CCDC77: variants seen among roughly 807,000 people sequenced by gnomAD.
The protein encoded by CCDC77 is coiled-coil domain containing 77.
In CCDC77, 56 loss-of-function variants were observed where a neutral mutation model predicts 66.8. The observed-to-expected ratio is 0.84, with a 90% CI of 0.68 to 1.05. The LOEUF (loss-of-function observed/expected upper bound fraction) is 1.05. Ranked by LOEUF, CCDC77 falls within the 50% of genes least tolerant of loss-of-function variation. The pLI is 0.00. For missense variants in CCDC77, 570 were observed against 576.8 expected, an observed-to-expected ratio of 0.99 and a Z score of 0.12; for synonymous variants, 196 against 195.2, an observed-to-expected ratio of 1.00 and a Z score of -0.03.
chr12:441,715 T>C (rs1018108328), intron 12 of CCDC77, 59 bp from the exon 13 acceptor site: 10 of 1,561,192 alleles, frequency 6.4e-6, no homozygotes, highest in African/African-American at 1.4e-5. Flanking sequence ...TTGACTGATA[T>C]CGCTCCCCTG....
intron 4 of CCDC77, among the ~76,000 whole-genome samples, chr12:416,394 T>C (rs1384966652): frequency 1.2e-3 from 66 of 54,636 alleles, no homozygotes; most frequent in South Asian, 8.8e-3. Flanking sequence ...TATATATATA[T>C]ATATATATAT....
chr12:412,895 T>C (rs1352974329), intron 4 of CCDC77, among the ~76,000 whole-genome samples: 3 of 152,122 alleles, frequency 2.0e-5, no homozygotes, highest in Non-Finnish European at 2.9e-5. Context: ...CGTTACTCCA[T>C]CCGTATCTAT....
rs181923310 is a variant in CCDC77 at position 431,265 on chromosome 12, C to G, written c.583+529C>G. On this transcript the variant is annotated intron_variant, in intron 7 of 12. Coordinates refer to ENST00000239830, the MANE Select transcript of CCDC77 (RefSeq NM_032358.4). The stretch of plus-strand genomic sequence containing the variant: ...TAGAGTTTTGCTCCTGTTGCCCAGG[C>G]TGGAGTGCAATGGCGCGATCTTGGC... Among the ~76,000 whole-genome samples the G allele has an allele frequency of 5.0e-3, 721 of 143,732 alleles. 3 individuals are homozygous for G. Among genetic ancestry groups the G allele is most frequent in the African/African-American group, 0.017 (670 of 38,572 alleles). 94.3% of individuals were successfully genotyped at this position (143,732 alleles called of 152,430 possible). A position where few individuals can be genotyped will look rare whatever the true frequency, so the allele number is the denominator to read the frequency against.
At chr12:407,714 A>G (rs74056172) in intron 2 of CCDC77, among the ~76,000 whole-genome samples, 3,049 of 151,056 alleles carry the variant, frequency 0.02, 87 homozygotes, top group African/African-American at 0.07. Context: ...AAAATGGTAT[A>G]TGGAAGTAAC....
intron 9 of CCDC77, among the ~76,000 whole-genome samples, chr12:435,169 A>G (rs888793440): frequency 3.5e-5 from 5 of 144,064 alleles, no homozygotes; most frequent in Middle Eastern, 3.7e-3. Flanking sequence ...CCATTTCCAA[A>G]TGCTCCCATC....
At chr12:403,068 C>T (rs1418058673) in intron 1 of CCDC77, among the ~76,000 whole-genome samples, 1 of 152,190 alleles carries the variant, frequency 6.6e-6, no homozygotes, top group Admixed American at 6.5e-5. Context: ...AAAATGTCCA[C>T]TACATTTTTG....
At chr12:409,960 T>G (rs1386461794) in intron 3 of CCDC77, among the ~76,000 whole-genome samples, 1 of 148,448 alleles carries the variant, frequency 6.7e-6, no homozygotes, top group Non-Finnish European at 1.5e-5. Context: ...ATCACGCCAC[T>G]GCACTCCAGC....
At chr12:413,810 T>G (rs1277365397) in intron 4 of CCDC77, among the ~76,000 whole-genome samples, 1 of 151,198 alleles carries the variant, frequency 6.6e-6, no homozygotes, top group Non-Finnish European at 1.5e-5. Flanking sequence ...TGTATTTTAG[T>G]AGAGGCAGGG....
intron 4 of CCDC77, among the ~76,000 whole-genome samples, chr12:417,132 C>CAAAAA (rs35593098): frequency 4.1e-4 from 52 of 128,338 alleles, no homozygotes; most frequent in African/African-American, 1.2e-3. Context: ...GGCTCTGTCT[C>CAAAAA]AAAAAAAAAA....
chr12:415,255 T>C lies in CCDC77; in HGVS notation c.271-3239T>C, dbSNP rs537501195. Among the ~76,000 whole-genome samples, 413 of 147,804 alleles carry C rather than the reference T, an allele frequency of 2.8e-3. 5 individuals carry two copies. The highest frequency in any genetic ancestry group is 0.027 in the South Asian group (124 of 4,672). On this transcript the variant is annotated intron_variant, in intron 4 of 12. Coordinates refer to ENST00000239830, the MANE Select transcript of CCDC77 (RefSeq NM_032358.4). ...TCCCTTTCTCTGAATCAGTTGTTAA[T>C]ATTTATTAACATAATTATTAACATA...
At chr12:431,663 T>C (rs534472121) in intron 7 of CCDC77, among the ~76,000 whole-genome samples, 12 of 152,224 alleles carry the variant, frequency 7.9e-5, no homozygotes, top group Non-Finnish European at 1.5e-4. Flanking sequence ...AGAGTTCCCT[T>C]ATAGAGATTC....
chr12:427,562 C>T (rs1945559366), intron 5 of CCDC77, among the ~76,000 whole-genome samples: 1 of 151,072 alleles, frequency 6.6e-6, no homozygotes, highest in South Asian at 2.1e-4. Context: ...GCAAACTCCA[C>T]CTCCCGGGTT....
rs184466785 is a variant in CCDC77 at position 391,942 on chromosome 12, C to T, written c.-113+2456C>T. On this transcript the variant is annotated intron_variant, in intron 1 of 11. Coordinates refer to the CCDC77 transcript ENST00000422000. ...CAACCACCTCACATTCTGATGCTTC[C>T]CTCAGGGGGGGCACATGAACCCCAC... 2.8e-3 allele frequency among the ~76,000 whole-genome samples: 428 copies of T among 152,252 alleles called. 13 individuals carry two copies. In the East Asian group the frequency reaches 0.065, roughly 23 times the overall value.
At chr12:426,186 C>T (rs1017793551) in intron 5 of CCDC77, among the ~76,000 whole-genome samples, 13 of 152,096 alleles carry the variant, frequency 8.5e-5, no homozygotes, top group African/African-American at 2.9e-4. Flanking sequence ...ACTGTATTGA[C>T]AGAAAGTAAA....
chr12:405,288 A>G (rs1042275993), intron 1 of CCDC77, among the ~76,000 whole-genome samples: 2 of 152,234 alleles, frequency 1.3e-5, no homozygotes. Flanking sequence ...ACTGGGAGAC[A>G]GGGATAATAG....
upstream of CCDC77, among the ~76,000 whole-genome samples, chr12:400,959 G>A (rs1040601443): frequency 2.6e-5 from 4 of 152,160 alleles, no homozygotes; most frequent in African/African-American, 9.7e-5. Flanking sequence ...ACATCCTTAG[G>A]ACTCACACCA....
intron 2 of CCDC77, among the ~76,000 whole-genome samples, chr12:406,216 G>T (rs1241072267): frequency 6.6e-6 from 1 of 152,158 alleles, no homozygotes; most frequent in Non-Finnish European, 1.5e-5. Flanking sequence ...AGCCAAGGTT[G>T]TAAGTGTTAA....
At chr12:401,624 C>G (rs773940569), upstream of CCDC77, 1 of 152,304 alleles carries the variant, frequency 6.6e-6, no homozygotes, top group Non-Finnish European at 1.5e-5. Flanking sequence ...GGCGCCGCGC[C>G]GCTCCTTGGT....
intron 3 of CCDC77, among the ~76,000 whole-genome samples, chr12:411,221 T>C (rs1278877431): frequency 6.6e-6 from 1 of 152,124 alleles, no homozygotes; most frequent in South Asian, 2.1e-4. Context: ...GTCGCCAGGC[T>C]GGAGTGCAAT....
Sources: gnomAD v4.1 joint callset for allele counts (sites outside exome capture counted in the v4.1 genomes callset) on GRCh38, gnomAD v4.1.1 for gene constraint, MANE v1.5 for transcripts, NCBI Gene and HGNC (gene_info 2026-07-23, HGNC 2026-07-21) for gene names.